Variants in SLC35A5 observed in about 807,000 individuals in gnomAD.
SLC35A5 encodes solute carrier family 35 member A5.
Under a neutral mutation model 36.3 loss-of-function variants are expected in SLC35A5, and 28 were observed. The observed-to-expected ratio is 0.77, with a 90% CI of 0.57 to 1.06. The LOEUF is 1.06. Ranked by LOEUF, SLC35A5 falls within the 50% of genes least tolerant of loss-of-function variation. The pLI is 0.00. For synonymous variants in SLC35A5, 180 were observed against 173.7 expected (o/e 1.04, Z -0.29); for missense variants, 521 against 499.3 (o/e 1.04, Z -0.41).
intron 3 of SLC35A5, 98 bp downstream of exon 3, chr3:112,569,367 A>G: frequency 1.1e-6 from 1 of 882,746 alleles, no homozygotes; most frequent in East Asian, 2.5e-5. Context: ...AGTCCATTAA[A>G]TTTTATATGA....
At chr3:112,562,801 C>T (rs1209105665) in intron 1 of SLC35A5, among the ~76,000 whole-genome samples, 1 of 152,184 alleles carries the variant, frequency 6.6e-6, no homozygotes, top group Non-Finnish European at 1.5e-5. Context: ...CGGTGGCTCA[C>T]GCCTGTAATC....
chr3:112,580,524 C>CTTTTTTTTTT, intron 5 of SLC35A5, 22 bp from the exon 6 acceptor site: 1 of 1,565,176 alleles, frequency 6.4e-7, no homozygotes, highest in Non-Finnish European at 8.6e-7. Flanking sequence ...GTAGTAAAAT[C>CTTTTTTTTTT]TTTTTTTTCA....
chr3:112,580,363 A>G (rs763507466), intron 5 of SLC35A5, among the ~76,000 whole-genome samples, 183 bp from the exon 6 acceptor site: 1 of 152,186 alleles, frequency 6.6e-6, no homozygotes, highest in Non-Finnish European at 1.5e-5. Context: ...ATAAAAATGA[A>G]TTAAAACATT....
chr3:112,574,038 C>A, intron 5 of SLC35A5, 82 bp downstream of exon 5: 1 of 1,203,954 alleles, frequency 8.3e-7, no homozygotes, highest in Non-Finnish European at 1.2e-6. Flanking sequence ...GAACACTGAG[C>A]CGTCAGAATC....
chr3:112,561,321 A>T, upstream of SLC35A5: 1 of 875,266 alleles, frequency 1.1e-6, no homozygotes, highest in South Asian at 1.4e-5. Context: ...TGGGGGCTGC[A>T]CACTTCCCTG....
In SLC35A5 at chr3:112,584,010, C is replaced by G. The variant is rs577010403; in HGVS notation, c.*1274C>G. On this transcript the variant is annotated 3_prime_UTR_variant, in exon 7 of 7. Coordinates refer to ENST00000492406, the MANE Select transcript of SLC35A5 (RefSeq NM_017945.5). ...AGCTTTATGGTGTCATTCTCAGAAACTTACACATTTCTGCTCTCCTTTCTC... is the reference window on the plus strand; with the variant it reads ...AGCTTTATGGTGTCATTCTCAGAAAGTTACACATTTCTGCTCTCCTTTCTC... 4 of 152,180 alleles carry G rather than the reference C, an allele frequency of 2.6e-5. No individual in the cohort carries two copies. In the South Asian group the frequency reaches 8.3e-4, roughly 32 times the overall value. 9.4% of individuals were successfully genotyped at this position (152,180 alleles called of 1,614,324 possible).
intron 5 of SLC35A5, among the ~76,000 whole-genome samples, chr3:112,574,925 A>G (rs1358756194): frequency 1.3e-5 from 2 of 152,178 alleles, no homozygotes; most frequent in African/African-American, 4.8e-5. Context: ...AGCCCAGTTT[A>G]AATGTTAGAG....
In SLC35A5 at chr3:112,569,196, T is replaced by C. The variant is rs755036657; in HGVS notation, c.156T>C (p.Thr52=). ...AAAACAAGTATGATTATCTTCCAAC[T>C]ACTGTGAATGTGTGCTCAGAACTGG... is the stretch of plus-strand genomic sequence containing the variant. ...NEENKYDYLP[T]TVNVCSELVK... The change falls in exon 3 of 7, where the codon ACT becomes ACC. Residue 52 remains threonine (T), a synonymous_variant. Coordinates refer to ENST00000492406, the MANE Select transcript of SLC35A5 (RefSeq NM_017945.5). The C allele has an allele frequency of 6.2e-7, 1 of 1,613,586 alleles. No individual in the cohort carries two copies. Among genetic ancestry groups the C allele is most frequent in the Non-Finnish European group, 8.5e-7 (1 of 1,179,772 alleles).
At position 112,582,857 on chromosome 3, in the gene SLC35A5, A is replaced by G; in HGVS notation, c.*121A>G. On this transcript the variant is annotated 3_prime_UTR_variant, in exon 7 of 7. Coordinates refer to ENST00000492406, the MANE Select transcript of SLC35A5 (RefSeq NM_017945.5). ...TTCTAAATCCTAATATTCTTTGCAT[A>G]TATCTAGCTACTCCCTAAATGGTTC... 2 of 818,846 alleles carry G rather than the reference A, an allele frequency of 2.4e-6. No homozygotes were observed. The highest frequency in any genetic ancestry group is 3.9e-6 in the Non-Finnish European group (2 of 517,176). 50.7% of individuals were successfully genotyped at this position (818,846 alleles called of 1,614,324 possible).
At chr3:112,576,816 C>A (rs1218723296) in intron 5 of SLC35A5, among the ~76,000 whole-genome samples, 1 of 152,068 alleles carries the variant, frequency 6.6e-6, no homozygotes, top group African/African-American at 2.4e-5. Flanking sequence ...CTATTTTGAT[C>A]TTTTTGGAGT....
upstream of SLC35A5, chr3:112,561,954 C>G (rs1933914186): frequency 1.4e-5 from 3 of 216,822 alleles, no homozygotes; most frequent in South Asian, 1.7e-4. Flanking sequence ...CGGGGCCTCA[C>G]GTGACACTAG....
At position 112,580,558 on chromosome 3, in the gene SLC35A5, C is replaced by G. The variant is rs759631592; in HGVS notation, c.441C>G (p.Asn147Lys). Reference sequence around the variant, plus strand: ...CATCTTTGAACAGGAGGCGTCTAAACTGGATCCAGTGGGCTTCCCTCCTGA... The same window carrying G: ...CATCTTTGAACAGGAGGCGTCTAAAGTGGATCCAGTGGGCTTCCCTCCTGA... ...LFRIVLKRRL[N>K]WIQWASLLTL... Residue 147 changes from asparagine to lysine, a missense_variant, in exon 6 of 7, where the codon AAC becomes AAG. Asn to Lys is a moderately conservative substitution (Grantham distance 94). Transcript: ENST00000492406. 1.2e-6 allele frequency: 2 copies of G among 1,612,066 alleles called. No homozygotes were observed.
upstream of SLC35A5, chr3:112,561,590 C>T (rs752971518): frequency 7.9e-6 from 12 of 1,527,144 alleles, no homozygotes; most frequent in Non-Finnish European, 1.1e-5. Flanking sequence ...TGTCAGGGGC[C>T]AGGGAGTCAG....
intron 4 of SLC35A5, among the ~76,000 whole-genome samples, chr3:112,573,672 A>G (rs997039563): frequency 2.0e-5 from 3 of 152,252 alleles, no homozygotes; most frequent in Non-Finnish European, 4.4e-5. Flanking sequence ...TATAAAGATT[A>G]TTTACACAGG....
At chr3:112,578,716 GTGT>G (rs1467587386) in intron 5 of SLC35A5, among the ~76,000 whole-genome samples, 1 of 152,084 alleles carries the variant, frequency 6.6e-6, no homozygotes. Flanking sequence ...TTTACAGAAG[GTGT>G]TGTTTAGCTT....
In SLC35A5 at chr3:112,580,793, C is replaced by A; in HGVS notation, c.676C>A (p.His226Asn). 3 of 1,614,192 alleles carry A rather than the reference C, an allele frequency of 1.9e-6. No homozygotes were observed. The highest frequency in any genetic ancestry group is 2.5e-6 in the Non-Finnish European group (3 of 1,180,014). The stretch of plus-strand genomic sequence containing the variant: ...GAACACCACAGCCAGAGTTTTCAGT[C>A]ACATCCGTCTTGGCATGGGCCATGT... The part of the protein sequence containing the change: ...KWNTTARVFS[H>N]IRLGMGHVLI... The change falls in exon 6 of 7, where the codon CAC (histidine) becomes AAC (asparagine). Residue 226 changes from histidine (H) to asparagine (N), a missense_variant. His to Asn is a moderately conservative substitution (Grantham distance 68, BLOSUM62 1). Transcript: ENST00000492406.
chr3:112,567,026 A>C (rs1934226215), intron 2 of SLC35A5, among the ~76,000 whole-genome samples: 1 of 152,016 alleles, frequency 6.6e-6, no homozygotes, highest in Admixed American at 6.5e-5. Flanking sequence ...GGAGATCAAG[A>C]CCATCCTGGC....
chr3:112,563,297 A>G, intron 1 of SLC35A5, 88 bp from the exon 2 acceptor site: 1 of 1,288,192 alleles, frequency 7.8e-7, no homozygotes, highest in South Asian at 2.3e-5. Context: ...AAATTTTTTA[A>G]AAATTCCTTT....
chr3:112,563,853 A>T (rs1003393092), intron 2 of SLC35A5, among the ~76,000 whole-genome samples: 4 of 142,742 alleles, frequency 2.8e-5, no homozygotes, highest in Non-Finnish European at 5.9e-5. Context: ...ATTTTGAAGT[A>T]GAAGGATATA....
Sources: gnomAD v4.1 joint callset for allele counts (sites outside exome capture counted in the v4.1 genomes callset) on GRCh38, gnomAD v4.1.1 for gene constraint, MANE v1.5 for transcripts, NCBI Gene and HGNC (gene_info 2026-07-23, HGNC 2026-07-21) for gene names.